Variants in SRGAP1 observed in about 807,000 individuals in gnomAD.
The protein encoded by SRGAP1 is SLIT-ROBO Rho GTPase activating protein 1.
In SRGAP1, 43 loss-of-function variants were observed where a neutral mutation model predicts 121.9. The observed-to-expected ratio is 0.35, with a 90% confidence interval of 0.28 to 0.46. The LOEUF (loss-of-function observed/expected upper bound fraction) is 0.46, where lower values mean the gene tolerates loss of function less well. Ranked by LOEUF, SRGAP1 falls within the 20% of genes least tolerant of loss-of-function variation. The pLI, the probability that SRGAP1 is intolerant of heterozygous loss-of-function variation, is 1.00. For synonymous variants in SRGAP1, 447 were observed against 485.4 expected (o/e 0.92, Z 1.04); for missense variants, 1,102 against 1,350.9 (o/e 0.82, Z 2.89).
intron 1 of SRGAP1, among the ~76,000 whole-genome samples, chr12:63,931,031 C>T (rs1446348879): frequency 6.6e-6 from 1 of 152,166 alleles, no homozygotes; most frequent in Non-Finnish European, 1.5e-5. Context: ...CACCCTCCCC[C>T]TCCTTTTGTT....
chr12:63,919,112 G>A (rs2030922793), intron 1 of SRGAP1, among the ~76,000 whole-genome samples: 1 of 152,134 alleles, frequency 6.6e-6, no homozygotes, highest in African/African-American at 2.4e-5. Flanking sequence ...GAGTGCAGTG[G>A]TGTAATCTCA....
chr12:63,976,054 T>C (rs771447226), intron 1 of SRGAP1, among the ~76,000 whole-genome samples: 14 of 152,236 alleles, frequency 9.2e-5, no homozygotes, highest in Non-Finnish European at 1.6e-4. Flanking sequence ...ATCTTCCTTG[T>C]TTAAAATTGT....
chr12:63,953,646 A>T (rs147530665), intron 1 of SRGAP1, among the ~76,000 whole-genome samples: 86 of 151,802 alleles, frequency 5.7e-4, no homozygotes, highest in African/African-American at 2.0e-3. Context: ...GTCTCAAATG[A>T]TCCTCCCGCC....
chr12:63,926,633 T>C (rs900807676), intron 1 of SRGAP1, among the ~76,000 whole-genome samples: 18 of 152,252 alleles, frequency 1.2e-4, no homozygotes, highest in Non-Finnish European at 2.1e-4. Flanking sequence ...ATGTATACAA[T>C]GTGGAATGAT....
rs1157600072 is a variant in SRGAP1 at position 64,094,956 on chromosome 12, A to G, written c.1564A>G (p.Ile522Val). The change falls in exon 13 of 22, where the codon ATT becomes GTT. Residue 522 changes from isoleucine to valine, a missense_variant. This residue lies in a region of SRGAP1 where 747 missense variants were observed against 929.4 expected (regional missense o/e 0.80). Transcript: ENST00000355086. ...VKDSGQVIPLIVESCIRFINL... is the reference protein window; with the variant it reads ...VKDSGQVIPLVVESCIRFINL... ...GGACTCAGGACAGGTTATTCCCCTC[A>G]TTGTGGAAAGCTGTATTCGGTTCAT... 2 of 1,614,120 alleles carry G rather than the reference A, an allele frequency of 1.2e-6. No homozygotes were observed. Among genetic ancestry groups the G allele is most frequent in the Admixed American group, 1.7e-5 (1 of 60,022 alleles).
intron 1 of SRGAP1, among the ~76,000 whole-genome samples, chr12:63,896,195 A>G (rs1185812459): frequency 2.6e-5 from 4 of 152,198 alleles, no homozygotes; most frequent in African/African-American, 9.6e-5. Context: ...TCTATTATCC[A>G]TGTACTTGGC....
At chr12:64,078,464 A>G (rs1327086994) in intron 8 of SRGAP1, among the ~76,000 whole-genome samples, 4 of 152,212 alleles carry the variant, frequency 2.6e-5, no homozygotes, top group Non-Finnish European at 5.9e-5. Flanking sequence ...AGTCCAGTTA[A>G]TGGAGAAGGA....
At chr12:63,892,825 T>A (rs979914914) in intron 1 of SRGAP1, among the ~76,000 whole-genome samples, 1 of 152,122 alleles carries the variant, frequency 6.6e-6, no homozygotes, top group African/African-American at 2.4e-5. Flanking sequence ...AATGGCTGCC[T>A]ATGGTTGAAA....
intron 21 of SRGAP1, among the ~76,000 whole-genome samples, chr12:64,132,594 C>T (rs1423613669): frequency 1.3e-5 from 2 of 152,228 alleles, no homozygotes; most frequent in South Asian, 2.1e-4. Flanking sequence ...AGGCCCCACA[C>T]CACTGGACCT....
intron 4 of SRGAP1, among the ~76,000 whole-genome samples, chr12:64,021,491 C>T (rs1245883089): frequency 1.3e-5 from 2 of 152,198 alleles, no homozygotes; most frequent in African/African-American, 4.8e-5. Context: ...TCATGATCCT[C>T]ATTTGACAGA....
At chr12:63,887,696 C>T (rs1900436178) in intron 1 of SRGAP1, 1 of 152,284 alleles carries the variant, frequency 6.6e-6, no homozygotes. Flanking sequence ...TCTAGCCTCC[C>T]ACACTCTCCC....
intron 1 of SRGAP1, among the ~76,000 whole-genome samples, chr12:63,877,245 A>G (rs1273132944): frequency 1.3e-5 from 2 of 152,126 alleles, no homozygotes; most frequent in Non-Finnish European, 2.9e-5. Context: ...AGAGAAAATA[A>G]TGGATGGGAA....
At position 63,917,604 on chromosome 12, in the gene SRGAP1, A is replaced by G. The variant is rs967418336; in HGVS notation, c.68-66343A>G. 9.1e-4 allele frequency among the ~76,000 whole-genome samples: 118 copies of G among 129,426 alleles called. 2 individuals are homozygous for G. The Admixed American group carries it at 9.9e-3, about 11-fold the overall frequency. 84.9% of individuals were successfully genotyped at this position (129,426 alleles called of 152,430 possible). A position where few individuals can be genotyped will look rare whatever the true frequency, so the allele number is the denominator to read the frequency against. ...ACTATAAAATAAGTCATCATCTAGG[A>G]TGTGAAAGAGCTTGCTTTCTGTTTT... On this transcript the variant is annotated intron_variant, in intron 1 of 21. Transcript: ENST00000355086.
At chr12:64,029,111 A>AGTG (rs2136484246) in intron 4 of SRGAP1, among the ~76,000 whole-genome samples, 1 of 152,308 alleles carries the variant, frequency 6.6e-6, no homozygotes, top group South Asian at 2.1e-4. Flanking sequence ...GCTGTTCAGA[A>AGTG]GTGGAATGGG....
At chr12:63,850,900 A>T (rs1331815019) in intron 1 of SRGAP1, among the ~76,000 whole-genome samples, 1 of 152,166 alleles carries the variant, frequency 6.6e-6, no homozygotes, top group East Asian at 1.9e-4. Context: ...ACCTGTAATC[A>T]ATCCTAGCAC....
At chr12:64,135,989 G>A (rs909653898) in intron 21 of SRGAP1, among the ~76,000 whole-genome samples, 4 of 152,186 alleles carry the variant, frequency 2.6e-5, no homozygotes, top group African/African-American at 9.7e-5. Context: ...ATCCAGCATG[G>A]GAGAAAGATG....
intron 3 of SRGAP1, among the ~76,000 whole-genome samples, chr12:64,008,701 A>G (rs575988907): frequency 4.8e-4 from 73 of 152,284 alleles, no homozygotes; most frequent in African/African-American, 1.6e-3. Context: ...GACACTTAGT[A>G]AAAATTAGTA....
intron 4 of SRGAP1, among the ~76,000 whole-genome samples, chr12:64,019,475 CCTGGGGAAAA>C (rs1476845707): frequency 1.3e-5 from 2 of 152,002 alleles, no homozygotes; most frequent in Non-Finnish European, 2.9e-5. Context: ...ACTTTGAGCT[CCTGGGGAAAA>C]AATTTACTTT....
At chr12:64,082,552 G>C (rs1448142400) in intron 10 of SRGAP1, among the ~76,000 whole-genome samples, 1 of 151,608 alleles carries the variant, frequency 6.6e-6, no homozygotes, top group Non-Finnish European at 1.5e-5. Flanking sequence ...CCAGGTTTAA[G>C]TGATTCTCCA....
Sources: gnomAD v4.1 joint callset for allele counts (sites outside exome capture counted in the v4.1 genomes callset) on GRCh38, gnomAD v4.1.1 for gene constraint, gnomAD v4.1.1 regional missense constraint, MANE v1.5 for transcripts, NCBI Gene and HGNC (gene_info 2026-07-23, HGNC 2026-07-21) for gene names.